SGK2: variants seen among roughly 807,000 people sequenced by gnomAD.
SGK2 encodes the protein serine/threonine-protein kinase Sgk2.
A neutral mutation model predicts 47.5 loss-of-function variants in SGK2; 36 were observed. The observed-to-expected ratio is 0.76, with a 90% confidence interval of 0.58 to 1.00. The LOEUF is 1.00. Ranked by LOEUF, SGK2 falls within the 50% of genes least tolerant of loss-of-function variation. SGK2 has a pLI of 0.00. For missense variants in SGK2, 404 were observed against 467.4 expected (o/e 0.86, Z 1.25); for synonymous variants, 157 against 181.9 (o/e 0.86, Z 1.10).
At chr20:43,563,655 A>G (rs1393588310) in intron 1 of SGK2, among the ~76,000 whole-genome samples, 2 of 152,228 alleles carry the variant, frequency 1.3e-5, no homozygotes, top group East Asian at 1.9e-4. Flanking sequence ...GCAGCTGGCA[A>G]GTGTTCTGAA....
chr20:43,572,109 C>A lies in SGK2; in HGVS notation c.569C>A (p.Thr190Asn). ...LCKEGVEPEDTTSTFCGTPEY... is the reference protein window; with the variant it reads ...LCKEGVEPEDNTSTFCGTPEY... The stretch of plus-strand genomic sequence containing the variant: ...AAGGAAGGTGTAGAGCCTGAAGACA[C>A]CACATCCACATTCTGTGGTACCCCT... The change falls in exon 9 of 13, where the codon ACC (threonine) becomes AAC (asparagine). Residue 190 changes from threonine to asparagine, a missense_variant. Thr to Asn is a moderately conservative substitution (Grantham distance 65, BLOSUM62 0). Coordinates refer to ENST00000373100, the MANE Select transcript of SGK2 (RefSeq NM_170693.3). This position sits in a 1 kb window ranked among gnomAD's most constrained non-coding sequence, Gnocchi z 4.2. The A allele has an allele frequency of 1.3e-6, 2 of 1,549,492 alleles. No homozygotes were observed. Among genetic ancestry groups the A allele is most frequent in the Non-Finnish European group, 1.7e-6 (2 of 1,145,488 alleles).
At chr20:43,567,211 G>A (rs1025075790) in intron 3 of SGK2, 94 bp downstream of exon 3, 32 of 1,078,674 alleles carry the variant, frequency 3.0e-5, no homozygotes, top group Non-Finnish European at 4.3e-5. Context: ...CTCTGGTCTA[G>A]CATTCAAGAC....
intron 12 of SGK2, 73 bp from the exon 13 acceptor site, chr20:43,584,779 T>C (rs1346387531): frequency 9.5e-6 from 12 of 1,260,544 alleles, no homozygotes; most frequent in South Asian, 1.3e-5. Flanking sequence ...CTGACATCCC[T>C]CTCTGAGGAT....
chr20:43,562,417 CAAA>C (rs111670042), intron 1 of SGK2, among the ~76,000 whole-genome samples: 536 of 49,928 alleles, frequency 0.011, 6 homozygotes, highest in African/African-American at 0.034. Context: ...AACCATGTCT[CAAA>C]AAAAAAAAAA....
chr20:43,566,966 G>A, intron 2 of SGK2, 102 bp from the exon 3 acceptor site: 2 of 908,890 alleles, frequency 2.2e-6, no homozygotes, highest in Non-Finnish European at 3.5e-6. Context: ...AAGGCAGGCA[G>A]GCCTAGTAGA....
At position 43,571,064 on chromosome 20, in the gene SGK2, G is replaced by GGTGGGTGGGTGGGT. The variant is rs796100790; in HGVS notation, c.510+7_510+8insGGTGGGTGGGTGTG. On this transcript the variant is annotated splice_donor_region_variant and intron_variant, in intron 8 of 12. Transcript: ENST00000373100. ...GAACATTCTCTTGGACTGCCAGGTT[G>GGTGGGTGGGTGGGT]GTGTGTGTGTGTGTGTGTGTGTGTG... 4 of 1,564,860 alleles carry GGTGGGTGGGTGGGT rather than the reference G, an allele frequency of 2.6e-6. No homozygotes were observed. The highest frequency in any genetic ancestry group is 4.5e-5 in the East Asian group (2 of 44,238).
intron 12 of SGK2, among the ~76,000 whole-genome samples, chr20:43,581,964 T>C (rs1364767719): frequency 1.3e-5 from 2 of 152,284 alleles, no homozygotes; most frequent in Non-Finnish European, 2.9e-5. Context: ...TTTTTTACTT[T>C]GCAAATTTGG....
Position 43,575,007 on chromosome 20 carries a change from G to A in SGK2, c.693+3G>A. 1 of 1,609,514 alleles carries A rather than the reference G, an allele frequency of 6.2e-7. No individual in the cohort carries two copies. The highest frequency in any genetic ancestry group is 1.1e-5 in the South Asian group (1 of 90,898). On this transcript the variant is annotated splice_donor_region_variant and intron_variant, in intron 10 of 12. Transcript: ENST00000373100. The stretch of plus-strand genomic sequence containing the variant: ...TCTACGAGATGCTCCATGGCCTGGT[G>A]AGTCAGGGGTAGCCATCTACAAGGG...
At chr20:43,559,223 T>C (rs3752558) in intron 1 of SGK2, 64 bp downstream of exon 1, 20,314 of 152,304 alleles carry the variant, frequency 0.13, 1,468 homozygotes, top group Middle Eastern at 0.17. Flanking sequence ...GATTGACTAG[T>C]TACCTAGCTA....
intron 6 of SGK2, 77 bp downstream of exon 6, chr20:43,569,593 C>G (rs1334473901): frequency 1.3e-6 from 2 of 1,527,174 alleles, no homozygotes; most frequent in Non-Finnish European, 1.8e-6. Context: ...CCACTGCATG[C>G]CAAGTTCTGG....
chr20:43,568,161 T>C (rs1221242518), intron 5 of SGK2, among the ~76,000 whole-genome samples, 162 bp downstream of exon 5: 1 of 152,040 alleles, frequency 6.6e-6, no homozygotes, highest in Non-Finnish European at 1.5e-5. Flanking sequence ...TGCTGGCCCT[T>C]CTCAAAGAAA....
chr20:43,568,046 G>T lies in SGK2; in HGVS notation c.228+47G>T, dbSNP rs192114130. Reference sequence around the variant, plus strand: ...CATTTCTTCTTCTGCTTCTCAAGCCGCAGCCTAGGGTGGCTTTCAAAGATG... The same window carrying T: ...CATTTCTTCTTCTGCTTCTCAAGCCTCAGCCTAGGGTGGCTTTCAAAGATG... On this transcript the variant is annotated intron_variant, in intron 5 of 12. Transcript: ENST00000373100. 4.6e-6 allele frequency: 7 copies of T among 1,518,650 alleles called. No homozygotes were observed. The South Asian group carries it at 6.8e-5, about 15-fold the overall frequency. 94.1% of individuals were successfully genotyped at this position (1,518,650 alleles called of 1,614,324 possible).
intron 1 of SGK2, among the ~76,000 whole-genome samples, chr20:43,560,973 A>G (rs1979344888): frequency 6.6e-6 from 1 of 152,222 alleles, no homozygotes; most frequent in Non-Finnish European, 1.5e-5. Flanking sequence ...AGTAAAATAT[A>G]AAGTAGACAA....
rs1308110346 is a variant in SGK2 at position 43,566,471 on chromosome 20, A to G, written c.-23-2A>G. 2 of 1,613,992 alleles carry G rather than the reference A, an allele frequency of 1.2e-6. No individual in the cohort carries two copies. Among genetic ancestry groups the G allele is most frequent in the African/African-American group, 2.7e-5 (2 of 74,914 alleles). On this transcript the variant is annotated splice_acceptor_variant, in intron 1 of 12. Coordinates refer to ENST00000373100, the MANE Select transcript of SGK2 (RefSeq NM_170693.3). LOFTEE classifies it low-confidence loss of function (5UTR_SPLICE). Reference sequence around the variant, plus strand: ...CATGCCTGCTCCTCCCTGTCCCCCCAGAGCTGCCTGATCATTGCTACAGAA... The same window carrying G: ...CATGCCTGCTCCTCCCTGTCCCCCCGGAGCTGCCTGATCATTGCTACAGAA...
intron 9 of SGK2, among the ~76,000 whole-genome samples, chr20:43,573,081 C>A (rs1385149619): frequency 6.6e-6 from 1 of 152,216 alleles, no homozygotes; most frequent in African/African-American, 2.4e-5. Flanking sequence ...AACCACAGGT[C>A]CGTGTCCATC....
chr20:43,584,843 T>C lies in SGK2; in HGVS notation c.940-9T>C. On this transcript the variant is annotated splice_polypyrimidine_tract_variant and intron_variant, in intron 12 of 12. Coordinates refer to ENST00000373100, the MANE Select transcript of SGK2 (RefSeq NM_170693.3). Reference sequence around the variant, plus strand: ...GTGTTTTCTTCTCATCATTGGCTTTTATTGACAGACAGGACCTGCTGACTT... The same window carrying C: ...GTGTTTTCTTCTCATCATTGGCTTTCATTGACAGACAGGACCTGCTGACTT... The C allele has an allele frequency of 6.2e-7, 1 of 1,612,220 alleles. No individual in the cohort carries two copies. Among genetic ancestry groups the C allele is most frequent in the South Asian group, 1.1e-5 (1 of 91,008 alleles).
At chr20:43,576,150 C>G in intron 10 of SGK2, 74 bp from the exon 11 acceptor site, 1 of 1,567,874 alleles carries the variant, frequency 6.4e-7, no homozygotes, top group African/African-American at 1.3e-5. Flanking sequence ...AGCCGCCCAC[C>G]TTGCTCCAAG....
chr20:43,567,817 C>T (rs1024783352), intron 4 of SGK2, 95 bp downstream of exon 4: 23 of 1,548,118 alleles, frequency 1.5e-5, no homozygotes, highest in African/African-American at 1.2e-4. Flanking sequence ...AGAGAGCACT[C>T]GCACCTGCAG....
intron 11 of SGK2, among the ~76,000 whole-genome samples, chr20:43,578,938 G>A (rs1046228822): frequency 6.6e-6 from 1 of 151,466 alleles, no homozygotes; most frequent in Non-Finnish European, 1.5e-5. Context: ...TCTAGAAAAA[G>A]TCCTTCCAGC....
Sources: allele counts gnomAD v4.1 joint callset (sites outside exome capture counted in the v4.1 genomes callset), GRCh38; gene constraint gnomAD v4.1.1; non-coding constraint Gnocchi (gnomAD v3.1); transcripts MANE v1.5; gene names NCBI Gene and HGNC (gene_info 2026-07-23, HGNC 2026-07-21).